LPP: variants seen among roughly 807,000 people sequenced by gnomAD.
The protein encoded by LPP is LIM domain containing preferred translocation partner in lipoma, also known as lipoma-preferred partner.
A neutral mutation model predicts 60.4 loss-of-function variants in LPP; 38 were observed. The observed-to-expected ratio is 0.63, with a 90% CI of 0.49 to 0.83. The LOEUF (loss-of-function observed/expected upper bound fraction) is 0.83. LPP is among the 40% of genes least tolerant of loss of function. The pLI, the probability that LPP is intolerant of heterozygous loss-of-function variation, is 0.00. For missense variants in LPP, 902 were observed against 783.6 expected, an observed-to-expected ratio of 1.15 and a Z score of -1.80; for synonymous variants, 328 against 290.8, an observed-to-expected ratio of 1.13 and a Z score of -1.30.
chr3:188,643,060 G>A (rs1202945648), intron 7 of LPP, among the ~76,000 whole-genome samples: 2 of 152,152 alleles, frequency 1.3e-5, no homozygotes, highest in South Asian at 2.1e-4. Context: ...GAAGAAGCGA[G>A]TTTGAGACTA....
chr3:188,240,433 A>G (rs1577479166), intron 2 of LPP, among the ~76,000 whole-genome samples: 1 of 151,938 alleles, frequency 6.6e-6, no homozygotes, highest in Non-Finnish European at 1.5e-5. Flanking sequence ...GGGAGAGGTC[A>G]GATTGTTTGA....
chr3:188,735,305 G>A (rs939418314), intron 8 of LPP, among the ~76,000 whole-genome samples: 5 of 151,796 alleles, frequency 3.3e-5, no homozygotes, highest in African/African-American at 4.8e-5. Flanking sequence ...TGAATTAGCC[G>A]GGTTAAGTCA....
chr3:188,412,164 G>A (rs920285628), intron 4 of LPP, among the ~76,000 whole-genome samples: 6 of 151,988 alleles, frequency 3.9e-5, no homozygotes, highest in Non-Finnish European at 7.4e-5. Context: ...TTTTATGTTA[G>A]ATTTTTGAAA....
At chr3:188,372,791 T>C (rs571771009) in intron 3 of LPP, among the ~76,000 whole-genome samples, 2 of 152,222 alleles carry the variant, frequency 1.3e-5, no homozygotes, top group South Asian at 4.2e-4. Flanking sequence ...TGTGCTATGT[T>C]AGTGTGCTGC....
chr3:188,468,104 C>T (rs1001631426), intron 4 of LPP, among the ~76,000 whole-genome samples: 4 of 152,030 alleles, frequency 2.6e-5, no homozygotes, highest in African/African-American at 7.2e-5. Flanking sequence ...GAAAAGAATA[C>T]GAAATGTCCT....
intron 9 of LPP, among the ~76,000 whole-genome samples, chr3:188,779,908 C>A (rs1166276790): frequency 3.3e-5 from 5 of 152,024 alleles, no homozygotes; most frequent in Admixed American, 3.3e-4. Flanking sequence ...CATCCATTTC[C>A]AACCTAAATT....
chr3:188,378,855 C>T (rs906130373), intron 3 of LPP, among the ~76,000 whole-genome samples: 2 of 152,340 alleles, frequency 1.3e-5, no homozygotes, highest in Middle Eastern at 3.4e-3. Context: ...ATCTTGGCTC[C>T]TCCTCCCTAT....
intron 9 of LPP, among the ~76,000 whole-genome samples, chr3:188,861,111 T>C (rs1293737839): frequency 6.6e-6 from 1 of 152,234 alleles, no homozygotes; most frequent in African/African-American, 2.4e-5. Flanking sequence ...GAAGTGATTT[T>C]GGGCTCTTTA....
intron 2 of LPP, among the ~76,000 whole-genome samples, chr3:188,325,205 T>A (rs1758080950): frequency 6.6e-6 from 1 of 152,112 alleles, no homozygotes; most frequent in African/African-American, 2.4e-5. Context: ...GGTCTCGAAC[T>A]CCTGACCTCA....
At chr3:188,290,195 C>A (rs545416888) in intron 2 of LPP, among the ~76,000 whole-genome samples, 2 of 152,048 alleles carry the variant, frequency 1.3e-5, no homozygotes, top group Non-Finnish European at 1.5e-5. Flanking sequence ...AAGCTGGTCT[C>A]GATCTCCTGA....
chr3:188,755,834 A>C (rs1342450313), intron 8 of LPP, among the ~76,000 whole-genome samples: 12 of 17,232 alleles, frequency 7.0e-4, no homozygotes, highest in African/African-American at 3.0e-3. Context: ...AAAAAAAAAA[A>C]AAAAAAAAAA....
intron 3 of LPP, among the ~76,000 whole-genome samples, chr3:188,370,640 C>T (rs957206247): frequency 3.3e-5 from 5 of 152,140 alleles, no homozygotes; most frequent in African/African-American, 7.2e-5. Flanking sequence ...TCCATCCTTT[C>T]GATCCTTTGA....
At chr3:188,686,828 G>A (rs1207992552) in intron 7 of LPP, among the ~76,000 whole-genome samples, 1 of 152,200 alleles carries the variant, frequency 6.6e-6, no homozygotes, top group African/African-American at 2.4e-5. Flanking sequence ...TGCTTCTCCT[G>A]CATTTGTTAT....
chr3:188,607,975 C>T (rs1842856899), intron 6 of LPP, among the ~76,000 whole-genome samples: 1 of 152,112 alleles, frequency 6.6e-6, no homozygotes, highest in African/African-American at 2.4e-5. Flanking sequence ...TAAGCCTCTT[C>T]AACATGTAAA....
intron 8 of LPP, among the ~76,000 whole-genome samples, chr3:188,743,088 A>C (rs543656452): frequency 6.6e-6 from 1 of 152,244 alleles, no homozygotes; most frequent in South Asian, 2.1e-4. Flanking sequence ...TGGTCCTAAT[A>C]TTTTAAAGTT....
chr3:188,252,865 A>C (rs900314962), intron 2 of LPP, among the ~76,000 whole-genome samples: 1 of 152,094 alleles, frequency 6.6e-6, no homozygotes, highest in Non-Finnish European at 1.5e-5. Context: ...TCCGCCTCCC[A>C]GGTTCAAGTG....
chr3:188,180,816 T>C (rs1291345345), intron 1 of LPP: 1 of 127,562 alleles, frequency 7.8e-6, no homozygotes, highest in Non-Finnish European at 1.7e-5. Context: ...TTTGTACATG[T>C]AATTTTGAAT....
At chr3:188,551,587 C>T (rs749309602) in intron 6 of LPP, among the ~76,000 whole-genome samples, 3 of 152,078 alleles carry the variant, frequency 2.0e-5, no homozygotes, top group Admixed American at 6.5e-5. Flanking sequence ...AGGGAACTTA[C>T]GTTTTAGTAG....
At chr3:188,218,876 G>A (rs977610450) in intron 1 of LPP, among the ~76,000 whole-genome samples, 1 of 152,074 alleles carries the variant, frequency 6.6e-6, no homozygotes, top group Admixed American at 6.6e-5. Flanking sequence ...TATGTATATT[G>A]CCCAAAGTGG....
Sources: allele counts gnomAD v4.1 joint callset (sites outside exome capture counted in the v4.1 genomes callset), GRCh38; gene constraint gnomAD v4.1.1; transcripts MANE v1.5; gene names NCBI Gene and HGNC (gene_info 2026-07-23, HGNC 2026-07-21).